The following GALNTL5 variants were observed in gnomAD, a reference collection of about 807,000 sequenced individuals.
The protein encoded by GALNTL5 is polypeptide N-acetylgalactosaminyltransferase like 5.
A neutral mutation model predicts 51.0 loss-of-function variants in GALNTL5; 44 were observed. The observed-to-expected ratio is 0.86, with a 90% CI of 0.68 to 1.11. The LOEUF is 1.11. GALNTL5 is among the 50% of genes least tolerant of loss of function. The probability of loss-of-function intolerance (pLI) is 0.00; values close to 1 mark genes in which losing one functional copy is unlikely to be tolerated. For missense variants in GALNTL5, 528 were observed against 531.8 expected, an observed-to-expected ratio of 0.99 and a Z score of 0.07; for synonymous variants, 192 against 182.8, an observed-to-expected ratio of 1.05 and a Z score of -0.41.
rs557477603 is a variant in GALNTL5, at chr7:151,993,257, G to A, written c.658+5976G>A. On this transcript the variant is annotated intron_variant, in intron 5 of 8. Coordinates refer to ENST00000392800, the MANE Select transcript of GALNTL5 (RefSeq NM_145292.4). ...TCAAAAAAAAAAAAAAAAGGAAGAT[G>A]CGTTTATGATTTTCTTTGTTTGTAC... is the stretch of plus-strand genomic sequence containing the variant. 3.3e-5 allele frequency among the ~76,000 whole-genome samples: 5 copies of A among 150,968 alleles called. No individual in the cohort carries two copies. In the East Asian group the frequency reaches 9.7e-4, roughly 29 times the overall value.
At chr7:151,964,059 C>T (rs559617334) in intron 1 of GALNTL5, among the ~76,000 whole-genome samples, 23 of 152,222 alleles carry the variant, frequency 1.5e-4, no homozygotes, top group East Asian at 9.7e-4. Context: ...ATCCAGCTGC[C>T]GGCAGGTTTG....
At chr7:151,991,336 G>A (rs898885107) in intron 5 of GALNTL5, among the ~76,000 whole-genome samples, 1 of 152,036 alleles carries the variant, frequency 6.6e-6, no homozygotes, top group African/African-American at 2.4e-5. Flanking sequence ...CAGGTGATCC[G>A]CCTGCCTCAG....
rs1297974125 is a variant in GALNTL5, at chr7:152,014,754, C to T, written c.1137C>T (p.Asn379=). 1 of 1,613,090 alleles carries T rather than the reference C, an allele frequency of 6.2e-7. No individual in the cohort carries two copies. Among genetic ancestry groups the T allele is most frequent in the East Asian group, 2.2e-5 (1 of 44,826 alleles). The change falls in exon 8 of 9, where the codon AAC becomes AAT. Residue 379 remains asparagine, a synonymous_variant. Coordinates refer to ENST00000392800, the MANE Select transcript of GALNTL5 (RefSeq NM_145292.4). ...PSTIISAMTH[N]YLRLVHVWLD... ...CAATCATCAGTGCTATGACACATAA[C>T]TACCTAAGACTGGTGCACGTTTGGC...
Position 152,009,409 on chromosome 7 carries a change from T to C in GALNTL5, c.1026+1465T>C, listed in dbSNP as rs115648344. Among the ~76,000 whole-genome samples, 866 of 152,308 alleles carry C rather than the reference T, an allele frequency of 5.7e-3. 10 individuals are homozygous for C. The highest frequency in any genetic ancestry group is 0.02 in the African/African-American group (826 of 41,566). On this transcript the variant is annotated intron_variant, in intron 7 of 8. Coordinates refer to ENST00000392800, the MANE Select transcript of GALNTL5 (RefSeq NM_145292.4). The stretch of plus-strand genomic sequence containing the variant: ...CAGCATCTGACACTAAACTGTCTTT[T>C]CTGGAAGTTTTCTTGGACGTTAGGA...
intron 1 of GALNTL5, among the ~76,000 whole-genome samples, chr7:151,959,472 A>G (rs999195620): frequency 6.6e-6 from 1 of 152,068 alleles, no homozygotes; most frequent in African/African-American, 2.4e-5. Flanking sequence ...TTCATTTGTA[A>G]AGTGCTATTT....
intron 7 of GALNTL5, among the ~76,000 whole-genome samples, chr7:152,009,490 A>G (rs2081700371): frequency 6.6e-6 from 1 of 152,118 alleles, no homozygotes; most frequent in Non-Finnish European, 1.5e-5. Flanking sequence ...CTTTGTAGGA[A>G]TTTCTGCTGT....
At chr7:151,959,865 C>T (rs1358182553) in intron 1 of GALNTL5, among the ~76,000 whole-genome samples, 2 of 152,084 alleles carry the variant, frequency 1.3e-5, no homozygotes, top group African/African-American at 4.8e-5. Context: ...GAGCAGTGGG[C>T]CATTTCTGTA....
chr7:152,011,525 G>C (rs1270201128), intron 7 of GALNTL5, among the ~76,000 whole-genome samples: 5 of 152,222 alleles, frequency 3.3e-5, no homozygotes, highest in African/African-American at 1.2e-4. Context: ...CCAGGGCCTT[G>C]CCCTGCACTT....
At chr7:151,971,095 C>CTAGATATA in intron 3 of GALNTL5, 30 bp downstream of exon 3, 1 of 1,120,592 alleles carries the variant, frequency 8.9e-7, no homozygotes, top group East Asian at 2.6e-5. Flanking sequence ...CTCTCATTCT[C>CTAGATATA]TAGATAGATA....
rs190852535 is a variant in GALNTL5, at chr7:151,972,666, A to G, written c.368+1601A>G. ...GGCCAAAAGGGACCAAAGTACAACT[A>G]AGGCTGTGGTTTCAGAGGTTGCAAG... On this transcript the variant is annotated intron_variant, in intron 3 of 8. Coordinates refer to ENST00000392800, the MANE Select transcript of GALNTL5 (RefSeq NM_145292.4). Among the ~76,000 whole-genome samples, 55 of 152,302 alleles carry G rather than the reference A, an allele frequency of 3.6e-4. 2 individuals carry two copies. The East Asian group carries it at 0.01, about 28-fold the overall frequency.
chr7:152,013,034 T>C (rs1458446260), intron 7 of GALNTL5, among the ~76,000 whole-genome samples: 1 of 152,162 alleles, frequency 6.6e-6, no homozygotes, highest in Non-Finnish European at 1.5e-5. Context: ...AATAAAATCA[T>C]GTCCTTTGCA....
At chr7:151,968,831 A>G (rs2081091754) in intron 2 of GALNTL5, among the ~76,000 whole-genome samples, 1 of 152,214 alleles carries the variant, frequency 6.6e-6, no homozygotes, top group Non-Finnish European at 1.5e-5. Context: ...ATGGGTGAGT[A>G]AAGCCATCAC....
rs565086067 is a variant in GALNTL5, at chr7:151,993,013, G to A, written c.658+5732G>A. Among the ~76,000 whole-genome samples the A allele has an allele frequency of 3.9e-5, 6 of 152,174 alleles. No homozygotes were observed. In the South Asian group the frequency reaches 6.2e-4, roughly 16 times the overall value. The stretch of plus-strand genomic sequence containing the variant: ...CGCACTTTGAGAGGCCGAGGCGGGC[G>A]GATCACCTGAGGTCGGGAGTTCGAG... On this transcript the variant is annotated intron_variant, in intron 5 of 8. Coordinates refer to ENST00000392800, the MANE Select transcript of GALNTL5 (RefSeq NM_145292.4).
chr7:151,992,931 C>T (rs2081445720), intron 5 of GALNTL5, among the ~76,000 whole-genome samples: 1 of 152,126 alleles, frequency 6.6e-6, no homozygotes, highest in African/African-American at 2.4e-5. Flanking sequence ...ACACGCATCG[C>T]ATCTGTGTTC....
Position 151,987,145 on chromosome 7 carries a change from G to T in GALNTL5, c.536-14G>T. The T allele has an allele frequency of 1.9e-6, 3 of 1,583,102 alleles. No individual in the cohort carries two copies. The highest frequency in any genetic ancestry group is 2.4e-5 in the South Asian group (2 of 84,598). ...TGCCGTTTATACATTCTCATGTGTT[G>T]AATATTTTTCCAGATGATTTGAAAG... On this transcript the variant is annotated splice_polypyrimidine_tract_variant and intron_variant, in intron 4 of 8. Coordinates refer to ENST00000392800, the MANE Select transcript of GALNTL5 (RefSeq NM_145292.4).
chr7:151,982,622 C>A (rs1458362712), intron 3 of GALNTL5, among the ~76,000 whole-genome samples: 2 of 149,892 alleles, frequency 1.3e-5, no homozygotes, highest in Non-Finnish European at 3.0e-5. Context: ...ATCTGTCCTG[C>A]CATGGTGACA....
chr7:152,011,624 G>C (rs776455317), intron 7 of GALNTL5, among the ~76,000 whole-genome samples: 1 of 152,184 alleles, frequency 6.6e-6, no homozygotes, highest in Non-Finnish European at 1.5e-5. Context: ...CTCCACCCAA[G>C]GTTGCTAAAT....
rs1562999814 is a variant in GALNTL5, at chr7:151,962,442, T to C, written c.-39-4766T>C. Among the ~76,000 whole-genome samples, 2 of 147,704 alleles carry C rather than the reference T, an allele frequency of 1.4e-5. 1 individual carries two copies. The highest frequency in any genetic ancestry group is 3.0e-5 in the Non-Finnish European group (2 of 66,786). On this transcript the variant is annotated intron_variant, in intron 1 of 8. Transcript: ENST00000392800. ...GTCTGTGTGATTTTTTTTTCTTTTT[T>C]TTTTTTTTTGGTTAATGCAGTAATC...
intron 1 of GALNTL5, 51 bp from the exon 2 acceptor site, chr7:151,967,157 A>G (rs1382226981): frequency 8.1e-7 from 1 of 1,232,708 alleles, no homozygotes; most frequent in African/African-American, 1.5e-5. Flanking sequence ...TAGGTGATCT[A>G]CAAACCATTG....
Sources: allele counts gnomAD v4.1 joint callset (sites outside exome capture counted in the v4.1 genomes callset), GRCh38; gene constraint gnomAD v4.1.1; transcripts MANE v1.5; gene names NCBI Gene and HGNC (gene_info 2026-07-23, HGNC 2026-07-21).